The following RAB38 variants were observed in gnomAD, a reference collection of about 807,000 sequenced individuals.
The protein encoded by RAB38 is RAB38, member RAS oncogene family, also known as ras-related protein Rab-38.
A neutral mutation model predicts 18.4 loss-of-function variants in RAB38; 15 were observed. The ratio of observed to expected loss-of-function variants is 0.82; its 90% confidence interval spans 0.55 to 1.26. The LOEUF (loss-of-function observed/expected upper bound fraction) is 1.26. Among genes scored for constraint, RAB38 ranks in the 50% most tolerant of loss-of-function variants. The pLI is 0.00. For synonymous variants in RAB38, 101 were observed against 104.4 expected, an observed-to-expected ratio of 0.97 and a Z score of 0.20; for missense variants, 294 against 267.4, an observed-to-expected ratio of 1.10 and a Z score of -0.69.
the RAB38 span, among the ~76,000 whole-genome samples, chr11:88,017,436 ACTT>A: frequency 1.3e-5 from 2 of 151,858 alleles, no homozygotes; most frequent in African/African-American, 4.8e-5. Context: ...CGTATAATCC[ACTT>A]CTTCATTATA....
At chr11:87,937,870 GTTTTTT>G in the RAB38 span, among the ~76,000 whole-genome samples, 2,792 of 92,014 alleles carry the variant, frequency 0.03, 52 homozygotes, top group African/African-American at 0.067. Context: ...TCATTGAAGT[GTTTTTT>G]TTTTTTTTTT....
chr11:87,914,690 A>G, the RAB38 span, among the ~76,000 whole-genome samples: 2 of 152,146 alleles, frequency 1.3e-5, no homozygotes, highest in Non-Finnish European at 2.9e-5. Flanking sequence ...AGGCCCTGAC[A>G]CCATTTCAAA....
the RAB38 span, among the ~76,000 whole-genome samples, chr11:87,885,629 A>G: frequency 6.6e-6 from 1 of 151,948 alleles, no homozygotes; most frequent in African/African-American, 2.4e-5. Flanking sequence ...ATACTTCTGT[A>G]CCTCACCTTG....
the RAB38 span, among the ~76,000 whole-genome samples, chr11:87,868,252 C>A: frequency 6.6e-6 from 1 of 151,498 alleles, no homozygotes; most frequent in Admixed American, 6.6e-5. Flanking sequence ...CCCACAAGAG[C>A]TGTTGTTAAA....
At chr11:88,172,923 T>C (rs1249856527) in intron 1 of RAB38, among the ~76,000 whole-genome samples, 1 of 152,232 alleles carries the variant, frequency 6.6e-6, no homozygotes, top group Non-Finnish European at 1.5e-5. Context: ...ATTAGAGCTC[T>C]GGGAAAAACA....
At chr11:87,977,494 T>C in the RAB38 span, among the ~76,000 whole-genome samples, 2 of 83,906 alleles carry the variant, frequency 2.4e-5, no homozygotes, top group South Asian at 6.3e-4. Context: ...ATATATAATA[T>C]AATTTTATAT....
chr11:87,937,870 G>GTTTTTTTTTTTTTTTTTTTTTTAATTTT, the RAB38 span, among the ~76,000 whole-genome samples: 1 of 92,024 alleles, frequency 1.1e-5, no homozygotes, highest in Non-Finnish European at 2.3e-5. Flanking sequence ...TCATTGAAGT[G>GTTTTTTTTTTTTTTTTTTTTTTAATTTT]TTTTTTTTTT....
chr11:88,084,854 C>A, the RAB38 span, among the ~76,000 whole-genome samples: 1 of 151,960 alleles, frequency 6.6e-6, no homozygotes, highest in Non-Finnish European at 1.5e-5. Context: ...CATAATAGCA[C>A]TGAATGTTTG....
the RAB38 span, among the ~76,000 whole-genome samples, chr11:88,062,836 T>C: frequency 6.6e-6 from 1 of 152,226 alleles, no homozygotes; most frequent in South Asian, 2.1e-4. Flanking sequence ...CTGTCTACAG[T>C]AATGTAAGAA....
the RAB38 span, among the ~76,000 whole-genome samples, chr11:87,975,914 A>T: frequency 2.0e-5 from 3 of 151,598 alleles, no homozygotes; most frequent in East Asian, 5.8e-4. Flanking sequence ...CTAGAGATTA[A>T]AATGGCATTT....
chr11:88,155,814 A>G (rs1276813758), intron 1 of RAB38, among the ~76,000 whole-genome samples: 1 of 152,216 alleles, frequency 6.6e-6, no homozygotes, highest in Non-Finnish European at 1.5e-5. Flanking sequence ...GGAGGAGATA[A>G]ATCTTAAAAA....
At chr11:87,924,473 A>G in the RAB38 span, among the ~76,000 whole-genome samples, 1 of 151,936 alleles carries the variant, frequency 6.6e-6, no homozygotes, top group Non-Finnish European at 1.5e-5. Context: ...AAACTGAAAT[A>G]TTAACTGGTG....
chr11:87,819,230 A>G, the RAB38 span, among the ~76,000 whole-genome samples: 4 of 152,194 alleles, frequency 2.6e-5, no homozygotes, highest in African/African-American at 7.2e-5. Flanking sequence ...AGTGTAACCT[A>G]TTGAACAGTT....
chr11:88,107,064 T>A, the RAB38 span, among the ~76,000 whole-genome samples: 2 of 152,162 alleles, frequency 1.3e-5, no homozygotes, highest in Non-Finnish European at 2.9e-5. Context: ...AAGTGATGCA[T>A]CAAGGGAAAC....
chr11:87,965,022 T>C, the RAB38 span, among the ~76,000 whole-genome samples: 2 of 152,190 alleles, frequency 1.3e-5, no homozygotes, highest in East Asian at 3.9e-4. Flanking sequence ...TTCAGCCAGA[T>C]AATTCTTTGT....
the RAB38 span, among the ~76,000 whole-genome samples, chr11:87,893,390 A>ATATATATATATATTT: frequency 4.8e-3 from 450 of 93,884 alleles, 4 homozygotes; most frequent in African/African-American, 0.014. Context: ...ATATATATAT[A>ATATATATATATATTT]TTTTTTTTTT....
chr11:88,149,755 C>T lies in RAB38; in HGVS notation c.403G>A (p.Val135Met). The T allele has an allele frequency of 6.2e-7, 1 of 1,614,148 alleles. No individual in the cohort carries two copies. Among genetic ancestry groups the T allele is most frequent in the Non-Finnish European group, 8.5e-7 (1 of 1,180,026 alleles). The change falls in exon 2 of 3, where the codon GTG (valine) becomes ATG (methionine). Residue 135 changes from valine (V) to methionine (M), a missense_variant. Coordinates refer to ENST00000243662, the MANE Select transcript of RAB38 (RefSeq NM_022337.3). ...LANKCDQGKD[V>M]LMNNGLKMDQ... ...ATCTTGAGGCCATTGTTCATGAGCA[C>T]ATCCTTCCCCTGGTCACATTTGTTG... is the stretch of plus-strand genomic sequence containing the variant.
chr11:88,123,326 C>T (rs980324125), intron 2 of RAB38, among the ~76,000 whole-genome samples: 1 of 151,966 alleles, frequency 6.6e-6, no homozygotes, highest in African/African-American at 2.4e-5. Context: ...AGAAGACATA[C>T]AGACTAAGCG....
the RAB38 span, among the ~76,000 whole-genome samples, chr11:88,018,736 A>T: frequency 6.6e-6 from 1 of 152,192 alleles, no homozygotes; most frequent in Admixed American, 6.5e-5. Context: ...CATACTTTAA[A>T]TCATCTCTAG....
Sources: allele counts gnomAD v4.1 joint callset (sites outside exome capture counted in the v4.1 genomes callset), GRCh38; gene constraint gnomAD v4.1.1; transcripts MANE v1.5; gene names NCBI Gene and HGNC (gene_info 2026-07-23, HGNC 2026-07-21).